Variants in XRCC4 observed in about 807,000 individuals in gnomAD.
XRCC4 encodes the protein DNA repair protein XRCC4.
XRCC4 carries 28 observed loss-of-function variants against 39.1 expected under a neutral mutation model. That is an observed-to-expected ratio of 0.72 (90% CI 0.53 to 0.98). The LOEUF (loss-of-function observed/expected upper bound fraction) is 0.98, where lower values mean the gene tolerates loss of function less well. XRCC4 is among the 50% of genes least tolerant of loss of function. The pLI, the probability that XRCC4 is intolerant of heterozygous loss-of-function variation, is 0.00. For missense variants in XRCC4, 350 were observed against 376.4 expected (o/e 0.93, Z 0.58); for synonymous variants, 123 against 126.4 (o/e 0.97, Z 0.18).
chr5:83,208,582 A>G (rs1055232610), intron 6 of XRCC4, among the ~76,000 whole-genome samples: 1 of 151,950 alleles, frequency 6.6e-6, no homozygotes, highest in Non-Finnish European at 1.5e-5. Context: ...ATATTTTCCC[A>G]CTGCCATTAG....
intron 7 of XRCC4, among the ~76,000 whole-genome samples, chr5:83,266,281 C>A (rs1270522102): frequency 2.0e-5 from 3 of 149,482 alleles, no homozygotes; most frequent in Non-Finnish European, 3.0e-5. Context: ...AAAATTTACA[C>A]TGTAACAGTG....
downstream of XRCC4, among the ~76,000 whole-genome samples, chr5:83,357,241 A>G (rs2112246621): frequency 6.6e-6 from 1 of 152,344 alleles, no homozygotes. Flanking sequence ...AATAGCACAG[A>G]CAAGTGTCCT....
rs140988164 is a variant in XRCC4, at chr5:83,274,819, T to C, written c.893+16142T>C. Among the ~76,000 whole-genome samples the C allele has an allele frequency of 5.9e-5, 9 of 152,304 alleles. No individual in the cohort carries two copies. In the East Asian group the frequency reaches 1.5e-3, roughly 26 times the overall value. On this transcript the variant is annotated intron_variant, in intron 7 of 7. Coordinates refer to ENST00000396027, the MANE Select transcript of XRCC4 (RefSeq NM_003401.5). ...GTCTGTGATGTATGTATCAGTGAAA[T>C]AAGCTTTGAGGGCCAATGGTCTTTA...
chr5:83,184,502 C>A (rs562577955), intron 3 of XRCC4, among the ~76,000 whole-genome samples: 6 of 151,958 alleles, frequency 3.9e-5, no homozygotes, highest in African/African-American at 1.2e-4. Context: ...AAAAAAATTA[C>A]TGTTTTAATT....
At chr5:83,174,624 A>G (rs1286522078) in intron 3 of XRCC4, among the ~76,000 whole-genome samples, 1 of 152,198 alleles carries the variant, frequency 6.6e-6, no homozygotes, top group Non-Finnish European at 1.5e-5. Context: ...GTGGAACTGG[A>G]GTAATGCACA....
intron 7 of XRCC4, among the ~76,000 whole-genome samples, chr5:83,265,389 G>T (rs764912687): frequency 6.6e-6 from 1 of 152,114 alleles, no homozygotes; most frequent in African/African-American, 2.4e-5. Flanking sequence ...CATGGTGGTG[G>T]TTTTAAAACG....
At chr5:83,172,547 A>C (rs1173445320) in intron 3 of XRCC4, among the ~76,000 whole-genome samples, 2 of 152,128 alleles carry the variant, frequency 1.3e-5, no homozygotes, top group African/African-American at 4.8e-5. Context: ...CTGTGTATTT[A>C]CTTTGTTCTG....
At chr5:83,104,154 G>T (rs142908397) in intron 1 of XRCC4, among the ~76,000 whole-genome samples, 1 of 152,124 alleles carries the variant, frequency 6.6e-6, no homozygotes, top group Non-Finnish European at 1.5e-5. Context: ...TGTCTCAGTG[G>T]ATAGGGTGTT....
In XRCC4 at chr5:83,262,741, A is replaced by G. The variant is rs1026975826; in HGVS notation, c.893+4064A>G. ...TTGCTTTTACCAATAAAAATACTAA[A>G]TAGTATTTCAAGTGAATACTGGATG... On this transcript the variant is annotated intron_variant, in intron 7 of 7. Coordinates refer to ENST00000396027, the MANE Select transcript of XRCC4 (RefSeq NM_003401.5). Among the ~76,000 whole-genome samples, 18 of 152,050 alleles carry G rather than the reference A, an allele frequency of 1.2e-4. 1 individual carries two copies. The highest frequency in any genetic ancestry group is 6.6e-5 in the Admixed American group (1 of 15,250).
chr5:83,164,430 T>C lies in XRCC4; in HGVS notation c.316-31340T>C, dbSNP rs76550392. On this transcript the variant is annotated intron_variant, in intron 3 of 7. Coordinates refer to ENST00000396027, the MANE Select transcript of XRCC4 (RefSeq NM_003401.5). ...ACAACAAATTTAAACATTTACAGTT[T>C]GGGACCTAATTTAAGCATGTATCAC... Among the ~76,000 whole-genome samples, 440 of 152,312 alleles carry C rather than the reference T, an allele frequency of 2.9e-3. 10 individuals are homozygous for C. The East Asian group carries it at 0.073, about 25-fold the overall frequency.
intron 6 of XRCC4, among the ~76,000 whole-genome samples, chr5:83,212,830 G>T (rs1456609694): frequency 2.0e-5 from 3 of 151,506 alleles, no homozygotes; most frequent in Non-Finnish European, 4.4e-5. Context: ...GGAAGGCTGA[G>T]GCAGGAGAAT....
chr5:83,373,527 A>G, the XRCC4 span, among the ~76,000 whole-genome samples: 1 of 152,158 alleles, frequency 6.6e-6, no homozygotes, highest in Non-Finnish European at 1.5e-5. Flanking sequence ...TCTTCACTGA[A>G]ATACTTTCTA....
At chr5:83,283,364 A>G (rs562508966) in intron 7 of XRCC4, among the ~76,000 whole-genome samples, 3 of 152,208 alleles carry the variant, frequency 2.0e-5, no homozygotes, top group South Asian at 2.1e-4. Flanking sequence ...TAAAATGTAT[A>G]TTCATAATTC....
At chr5:83,336,490 G>A (rs972983219) in intron 7 of XRCC4, among the ~76,000 whole-genome samples, 1 of 151,970 alleles carries the variant, frequency 6.6e-6, no homozygotes, top group African/African-American at 2.4e-5. Flanking sequence ...TGATAATGGG[G>A]TCACATTTCA....
intron 3 of XRCC4, among the ~76,000 whole-genome samples, chr5:83,173,292 CT>C (rs1386464185): frequency 6.6e-6 from 1 of 152,106 alleles, no homozygotes; most frequent in Non-Finnish European, 1.5e-5. Flanking sequence ...ATGTTTTACG[CT>C]GCTACTATTA....
intron 7 of XRCC4, among the ~76,000 whole-genome samples, chr5:83,318,050 A>G (rs1251042680): frequency 7.2e-6 from 1 of 139,022 alleles, no homozygotes; most frequent in Admixed American, 7.1e-5. Flanking sequence ...CTGGTTCAGT[A>G]TACGCAAATC....
At chr5:83,332,384 T>G (rs1481569760) in intron 7 of XRCC4, among the ~76,000 whole-genome samples, 2 of 152,136 alleles carry the variant, frequency 1.3e-5, no homozygotes, top group African/African-American at 4.8e-5. Context: ...TTTATCTCTT[T>G]TTATGTTTGT....
chr5:83,169,408 A>G (rs1220712639), intron 3 of XRCC4, among the ~76,000 whole-genome samples: 1 of 152,072 alleles, frequency 6.6e-6, no homozygotes, highest in African/African-American at 2.4e-5. Context: ...TTCTTTTAGT[A>G]TTTGATTTAG....
chr5:83,080,255 G>A (rs577211528), intron 1 of XRCC4, among the ~76,000 whole-genome samples: 6 of 152,196 alleles, frequency 3.9e-5, no homozygotes, highest in Admixed American at 2.6e-4. Flanking sequence ...AGCCGGGTGC[G>A]GTGGCTCATG....
Sources: allele counts gnomAD v4.1 joint callset (sites outside exome capture counted in the v4.1 genomes callset), GRCh38; gene constraint gnomAD v4.1.1; transcripts MANE v1.5; gene names NCBI Gene and HGNC (gene_info 2026-07-23, HGNC 2026-07-21).